The following MBTD1 variants were observed in gnomAD, a reference collection of about 807,000 sequenced individuals.
MBTD1 encodes MBT domain-containing protein 1.
Under a neutral mutation model 87.8 loss-of-function variants are expected in MBTD1, and 24 were observed. The observed-to-expected ratio is 0.27, with a 90% CI of 0.20 to 0.38. The LOEUF is 0.38. Among genes scored for constraint, MBTD1 ranks in the 10% least tolerant of loss-of-function variants. The probability of loss-of-function intolerance (pLI) is 1.00; values close to 1 mark genes in which losing one functional copy is unlikely to be tolerated. For synonymous variants in MBTD1, 237 were observed against 248.6 expected (o/e 0.95, Z 0.44); for missense variants, 436 against 760.2 (o/e 0.57, Z 5.02).
At chr17:51,238,158 C>T (rs2053959080) in intron 2 of MBTD1, among the ~76,000 whole-genome samples, 1 of 152,098 alleles carries the variant, frequency 6.6e-6, no homozygotes, top group South Asian at 2.1e-4. Flanking sequence ...GAGGATTATA[C>T]TACCTAGATT....
chr17:51,220,275 A>C, intron 4 of MBTD1, 55 bp downstream of exon 4: 1 of 1,488,266 alleles, frequency 6.7e-7, no homozygotes, highest in Non-Finnish European at 9.0e-7. Flanking sequence ...TGACAGATAA[A>C]TGGCAAAAGC....
At chr17:51,216,985 G>C (rs926330085) in intron 6 of MBTD1, among the ~76,000 whole-genome samples, 1 of 152,070 alleles carries the variant, frequency 6.6e-6, no homozygotes, top group Non-Finnish European at 1.5e-5. Flanking sequence ...AGGACTGCTT[G>C]ATGCCAGGAG....
Position 51,192,943 on chromosome 17 carries a change from C to G in MBTD1, c.1529G>C (p.Cys510Ser). The G allele has an allele frequency of 6.2e-7, 1 of 1,614,128 alleles. No individual in the cohort carries two copies. The highest frequency in any genetic ancestry group is 8.5e-7 in the Non-Finnish European group (1 of 1,180,002). ...AVDLMEPRLI[C>S]VATVTRIIHR... ...AATAATTCGAGTTACTGTGGCTACA[C>G]ATATTAAACGTGGCTCCATGAGATC... Residue 510 changes from cysteine (C) to serine (S), a missense_variant, in exon 15 of 17, where the codon TGT (cysteine) becomes TCT (serine). Physicochemically the swap from Cys to Ser is moderately radical, Grantham distance 112. Transcript: ENST00000586178.
At chr17:51,199,826 T>C (rs188257313) in intron 12 of MBTD1, among the ~76,000 whole-genome samples, 3,630 of 148,370 alleles carry the variant, frequency 0.024, 74 homozygotes, top group Middle Eastern at 0.066. Context: ...CTTTTTCTTT[T>C]TTTCTGTTTT....
At chr17:51,206,128 T>C (rs973077769) in intron 7 of MBTD1, among the ~76,000 whole-genome samples, 4 of 152,204 alleles carry the variant, frequency 2.6e-5, no homozygotes, top group African/African-American at 9.7e-5. Context: ...TTGTCTACCA[T>C]AGTAGATTCC....
chr17:51,233,091 G>GGA (rs142757244), intron 2 of MBTD1, among the ~76,000 whole-genome samples: 4 of 143,816 alleles, frequency 2.8e-5, no homozygotes, highest in Non-Finnish European at 4.5e-5. Flanking sequence ...AAAAAGTGAG[G>GGA]GAGAGAGAGA....
At chr17:51,215,585 A>G (rs994622278) in intron 6 of MBTD1, among the ~76,000 whole-genome samples, 2 of 152,224 alleles carry the variant, frequency 1.3e-5, no homozygotes, top group African/African-American at 4.8e-5. Flanking sequence ...CAAGAAAGCA[A>G]TATCCCAAGA....
chr17:51,196,533 C>G (rs2051117206), intron 12 of MBTD1, among the ~76,000 whole-genome samples: 1 of 152,066 alleles, frequency 6.6e-6, no homozygotes, highest in Admixed American at 6.6e-5. Context: ...TGCCCTATTA[C>G]CACTGGAATT....
At chr17:51,212,281 C>A (rs900877251) in intron 6 of MBTD1, among the ~76,000 whole-genome samples, 1 of 151,412 alleles carries the variant, frequency 6.6e-6, no homozygotes, top group South Asian at 2.1e-4. Context: ...TTGATTGAAC[C>A]CGGGAAGCAG....
chr17:51,232,301 G>T (rs918698239), intron 2 of MBTD1, among the ~76,000 whole-genome samples: 5 of 152,006 alleles, frequency 3.3e-5, no homozygotes, highest in African/African-American at 9.7e-5. Flanking sequence ...TACCATTCAG[G>T]CCTTTCAGCA....
At chr17:51,247,998 T>C (rs1343546013) in intron 2 of MBTD1, among the ~76,000 whole-genome samples, 1 of 152,240 alleles carries the variant, frequency 6.6e-6, no homozygotes, top group Non-Finnish European at 1.5e-5. Flanking sequence ...GGTTTTGAAA[T>C]GTATTTGTAC....
At chr17:51,252,755 A>G (rs2054865575) in intron 2 of MBTD1, among the ~76,000 whole-genome samples, 1 of 151,836 alleles carries the variant, frequency 6.6e-6, no homozygotes, top group Non-Finnish European at 1.5e-5. Context: ...AAACAACAAA[A>G]CAAAACCCCA....
chr17:51,201,542 T>C (rs371443813), intron 12 of MBTD1, 50 bp downstream of exon 12: 8 of 1,208,808 alleles, frequency 6.6e-6, no homozygotes, highest in Non-Finnish European at 9.6e-6. Flanking sequence ...TATTAGCTTA[T>C]ACCCAAATCC....
chr17:51,208,952 GA>G (rs1221717946), intron 6 of MBTD1, among the ~76,000 whole-genome samples: 1 of 152,210 alleles, frequency 6.6e-6, no homozygotes, highest in Non-Finnish European at 1.5e-5. Flanking sequence ...GAAAGTAGCA[GA>G]AAGTGACATT....
At chr17:51,198,834 C>T (rs577818125) in intron 12 of MBTD1, among the ~76,000 whole-genome samples, 2 of 152,040 alleles carry the variant, frequency 1.3e-5, no homozygotes, top group Admixed American at 6.5e-5. Context: ...GATGGAGTCT[C>T]GCTCTATGCC....
chr17:51,195,256 C>T lies in MBTD1; in HGVS notation c.1330G>A (p.Gly444Ser), dbSNP rs770370044. Reference sequence around the variant, plus strand: ...TCAATCATGTTAATTTCACAGAAACCGACAGGGAAAATAGAAGGAGAGGTT... The same window carrying T: ...TCAATCATGTTAATTTCACAGAAACTGACAGGGAAAATAGAAGGAGAGGTT... ...HATSPSIFPV[G>S]FCEINMIELT... Residue 444 changes from glycine (G) to serine (S), a missense_variant, in exon 13 of 17, where the codon GGT (glycine) becomes AGT (serine). By Grantham distance (56) the Gly-to-Ser change is moderately conservative (BLOSUM62 0). This residue lies in a region of MBTD1 where 268 missense variants were observed against 401.8 expected (regional missense o/e 0.67). Transcript: ENST00000586178. 3.7e-6 allele frequency: 6 copies of T among 1,612,820 alleles called. No homozygotes were observed. Among genetic ancestry groups the T allele is most frequent in the Non-Finnish European group, 5.1e-6 (6 of 1,179,378 alleles).
At chr17:51,196,904 AT>A (rs976717717) in intron 12 of MBTD1, among the ~76,000 whole-genome samples, 19 of 150,880 alleles carry the variant, frequency 1.3e-4, no homozygotes, top group African/African-American at 4.6e-4. Context: ...GGGAAAAAAA[AT>A]TTTTTTTCCT....
At chr17:51,217,622 T>A (rs2052643823) in intron 5 of MBTD1, among the ~76,000 whole-genome samples, 1 of 152,146 alleles carries the variant, frequency 6.6e-6, no homozygotes. Flanking sequence ...TTTCTTTATG[T>A]TTTTGAGACT....
chr17:51,219,824 A>T (rs1281319911), intron 4 of MBTD1, among the ~76,000 whole-genome samples: 7 of 152,242 alleles, frequency 4.6e-5, no homozygotes, highest in Admixed American at 1.3e-4. Context: ...GTACATTTAA[A>T]GCAAGACGAT....
Sources: gnomAD v4.1 joint callset for allele counts (sites outside exome capture counted in the v4.1 genomes callset) on GRCh38, gnomAD v4.1.1 for gene constraint, gnomAD v4.1.1 regional missense constraint, MANE v1.5 for transcripts, NCBI Gene and HGNC (gene_info 2026-07-23, HGNC 2026-07-21) for gene names.